Variants in PLPPR1 observed in about 807,000 individuals in gnomAD.
The protein encoded by PLPPR1 is phospholipid phosphatase related 1.
Under a neutral mutation model 33.1 loss-of-function variants are expected in PLPPR1, and 10 were observed. The observed-to-expected ratio is 0.30, with a 90% CI of 0.19 to 0.51. PLPPR1 has a LOEUF of 0.51. PLPPR1 is among the 20% of genes least tolerant of loss of function. The pLI, the probability that PLPPR1 is intolerant of heterozygous loss-of-function variation, is 0.97. For synonymous variants in PLPPR1, 151 were observed against 151.0 expected (o/e 1.00, Z 0.00); for missense variants, 304 against 408.1 (o/e 0.74, Z 2.20).
At chr9:101,146,440 A>T (rs1362010184) in intron 1 of PLPPR1, among the ~76,000 whole-genome samples, 2 of 152,184 alleles carry the variant, frequency 1.3e-5, no homozygotes, top group Non-Finnish European at 2.9e-5. Context: ...CACTCCAAAA[A>T]CTACCAGCCA....
intron 4 of PLPPR1, among the ~76,000 whole-genome samples, chr9:101,303,836 C>G (rs1828797253): frequency 6.6e-6 from 1 of 152,020 alleles, no homozygotes. Context: ...TTTATGTGCC[C>G]ACGTGTTAAT....
At chr9:101,155,112 A>AT (rs1207751539) in intron 1 of PLPPR1, among the ~76,000 whole-genome samples, 2 of 150,990 alleles carry the variant, frequency 1.3e-5, no homozygotes, top group Non-Finnish European at 1.5e-5. Flanking sequence ...AAGTATAATA[A>AT]AAAAAAAAGA....
intron 1 of PLPPR1, among the ~76,000 whole-genome samples, chr9:101,036,596 G>C (rs933202829): frequency 1.3e-4 from 19 of 151,320 alleles, no homozygotes; most frequent in African/African-American, 4.6e-4. Flanking sequence ...TATAAACTTG[G>C]CTGGTCTTGG....
chr9:101,094,971 A>T (rs895379574), intron 1 of PLPPR1, among the ~76,000 whole-genome samples: 1 of 152,168 alleles, frequency 6.6e-6, no homozygotes, highest in African/African-American at 2.4e-5. Context: ...GGTAGCATCA[A>T]GCCTCAGTGC....
At chr9:101,048,093 C>T (rs1367417952) in intron 1 of PLPPR1, among the ~76,000 whole-genome samples, 3 of 152,172 alleles carry the variant, frequency 2.0e-5, no homozygotes, top group African/African-American at 7.2e-5. Flanking sequence ...GCTCCTTTAT[C>T]GCATGTGCCA....
chr9:101,074,244 G>A (rs567677134), intron 1 of PLPPR1, among the ~76,000 whole-genome samples: 1 of 152,212 alleles, frequency 6.6e-6, no homozygotes, highest in South Asian at 2.1e-4. Flanking sequence ...TAGGTGATTA[G>A]CTATCACAAA....
chr9:101,113,618 A>G, intron 1 of PLPPR1, among the ~76,000 whole-genome samples: 1 of 134,242 alleles, frequency 7.4e-6, no homozygotes, highest in East Asian at 3.2e-4. Flanking sequence ...GTGTTAAGAA[A>G]GAACAGAAAA....
At chr9:101,250,389 C>A (rs1302205468) in intron 2 of PLPPR1, among the ~76,000 whole-genome samples, 2 of 152,042 alleles carry the variant, frequency 1.3e-5, no homozygotes, top group Non-Finnish European at 2.9e-5. Flanking sequence ...TCTATGAATT[C>A]CAAAACTCAC....
chr9:101,159,253 G>T (rs1479186769), intron 1 of PLPPR1, among the ~76,000 whole-genome samples: 1 of 152,134 alleles, frequency 6.6e-6, no homozygotes, highest in African/African-American at 2.4e-5. Context: ...CCTATAGTTG[G>T]TGTCTATTAC....
intron 2 of PLPPR1, among the ~76,000 whole-genome samples, chr9:101,237,854 GTA>G (rs1261558128): frequency 2.7e-4 from 33 of 120,874 alleles, no homozygotes; most frequent in East Asian, 5.2e-4. Context: ...ATGTGTGTGT[GTA>G]TATATATATA....
At chr9:101,220,560 CTAATT>C (rs1342153645) in intron 2 of PLPPR1, among the ~76,000 whole-genome samples, 1 of 152,198 alleles carries the variant, frequency 6.6e-6, no homozygotes, top group Non-Finnish European at 1.5e-5. Context: ...CTCCTCCCAC[CTAATT>C]TAATTTCTTA....
intron 1 of PLPPR1, among the ~76,000 whole-genome samples, chr9:101,077,065 A>G (rs1434937635): frequency 6.6e-6 from 1 of 152,212 alleles, no homozygotes; most frequent in Non-Finnish European, 1.5e-5. Flanking sequence ...CTGTGGTAGC[A>G]TCCCAGTGGA....
chr9:101,143,988 T>A (rs558889584), intron 1 of PLPPR1, among the ~76,000 whole-genome samples: 20 of 152,350 alleles, frequency 1.3e-4, no homozygotes, highest in African/African-American at 4.3e-4. Flanking sequence ...CACGTATGTT[T>A]ATTGTGGCAC....
At chr9:101,178,959 A>G (rs1483794205) in intron 1 of PLPPR1, among the ~76,000 whole-genome samples, 1 of 152,160 alleles carries the variant, frequency 6.6e-6, no homozygotes, top group Non-Finnish European at 1.5e-5. Context: ...TGTCACCAGG[A>G]GATACAACAA....
intron 2 of PLPPR1, among the ~76,000 whole-genome samples, chr9:101,242,270 C>T (rs1277008725): frequency 1.3e-5 from 2 of 149,434 alleles, no homozygotes; most frequent in Admixed American, 6.7e-5. Context: ...GATATAGTCT[C>T]GGAAATCTTG....
At chr9:101,146,132 C>T (rs1331760800) in intron 1 of PLPPR1, among the ~76,000 whole-genome samples, 2 of 152,154 alleles carry the variant, frequency 1.3e-5, no homozygotes, top group African/African-American at 4.8e-5. Flanking sequence ...TATCTCTTGG[C>T]ATTTCTCATA....
intron 1 of PLPPR1, among the ~76,000 whole-genome samples, chr9:101,127,595 G>C (rs1299704425): frequency 6.6e-6 from 1 of 152,290 alleles, no homozygotes; most frequent in African/African-American, 2.4e-5. Flanking sequence ...TCAATCCTGG[G>C]AGAGCAAGGA....
chr9:101,061,047 G>A (rs1830341164), intron 1 of PLPPR1, among the ~76,000 whole-genome samples: 1 of 151,882 alleles, frequency 6.6e-6, no homozygotes, highest in Non-Finnish European at 1.5e-5. Flanking sequence ...CCAAAGGACT[G>A]TGGAGGAAGC....
intron 2 of PLPPR1, among the ~76,000 whole-genome samples, chr9:101,207,443 G>A (rs1826611151): frequency 1.3e-5 from 2 of 152,104 alleles, no homozygotes; most frequent in African/African-American, 2.4e-5. Flanking sequence ...ATGGGGATTG[G>A]CAGTCTTCAT....
Sources: gnomAD v4.1 joint callset for allele counts (sites outside exome capture counted in the v4.1 genomes callset) on GRCh38, gnomAD v4.1.1 for gene constraint, MANE v1.5 for transcripts, NCBI Gene and HGNC (gene_info 2026-07-23, HGNC 2026-07-21) for gene names.